FRMD4B: variants seen among roughly 807,000 people sequenced by gnomAD.
FRMD4B encodes FERM domain-containing protein 4B.
In FRMD4B, 74 loss-of-function variants were observed where a neutral mutation model predicts 141.5. That is an observed-to-expected ratio of 0.52 (90% CI 0.43 to 0.63). FRMD4B has a LOEUF of 0.63. FRMD4B is among the 30% of genes least tolerant of loss of function. The probability of loss-of-function intolerance (pLI) is 0.00; values close to 1 mark genes in which losing one functional copy is unlikely to be tolerated. For synonymous variants in FRMD4B, 506 were observed against 467.9 expected, an observed-to-expected ratio of 1.08 and a Z score of -1.05; for missense variants, 1,366 against 1,253.4, an observed-to-expected ratio of 1.09 and a Z score of -1.36.
Position 69,218,303 on chromosome 3 carries a change from G to C in FRMD4B, c.789+19C>G. 2 of 1,342,966 alleles carry C rather than the reference G, an allele frequency of 1.5e-6. No individual in the cohort carries two copies. Among genetic ancestry groups the C allele is most frequent in the Non-Finnish European group, 2.1e-6 (2 of 943,788 alleles). The allele number at this position is 1,342,966 out of a possible 1,614,324, so 83.2% of individuals were successfully genotyped here. Reference sequence around the variant, plus strand: ...AACTCTCAATCATCACGAAAGCTTTGTCATGTAAAATTACTTACCTTTACT... The same window carrying C: ...AACTCTCAATCATCACGAAAGCTTTCTCATGTAAAATTACTTACCTTTACT... On this transcript the variant is annotated intron_variant, in intron 10 of 22. Coordinates refer to ENST00000398540, the MANE Select transcript of FRMD4B (RefSeq NM_015123.3).
intron 3 of FRMD4B, among the ~76,000 whole-genome samples, chr3:69,308,727 ACTGTGCCCGGC>A (rs1701475385): frequency 6.6e-6 from 1 of 152,114 alleles, no homozygotes. Context: ...GGTGTGAGCC[ACTGTGCCCGGC>A]CTTGTTTTTT....
intron 1 of FRMD4B, among the ~76,000 whole-genome samples, chr3:69,447,784 G>T (rs576310433): frequency 3.3e-5 from 5 of 152,254 alleles, no homozygotes; most frequent in African/African-American, 1.2e-4. Context: ...CACATGAATA[G>T]AATCACATAG....
chr3:69,341,183 T>C (rs1201011239), intron 1 of FRMD4B, among the ~76,000 whole-genome samples: 1 of 152,196 alleles, frequency 6.6e-6, no homozygotes, highest in African/African-American at 2.4e-5. Context: ...CTTGTTCTAA[T>C]GAAGAGGGCT....
At chr3:69,224,720 G>C in intron 7 of FRMD4B, 30 bp from the exon 8 acceptor site, 3 of 1,100,060 alleles carry the variant, frequency 2.7e-6, no homozygotes, top group Non-Finnish European at 4.1e-6. Context: ...GGTAATGTCA[G>C]GTACTGTTAT....
At chr3:69,208,225 G>A (rs533385207) in intron 11 of FRMD4B, among the ~76,000 whole-genome samples, 24 of 152,062 alleles carry the variant, frequency 1.6e-4, no homozygotes, top group South Asian at 1.5e-3. Flanking sequence ...CACCACACCC[G>A]GCTAATTTTT....
At chr3:69,483,683 T>C (rs937882670) in intron 1 of FRMD4B, among the ~76,000 whole-genome samples, 1 of 152,118 alleles carries the variant, frequency 6.6e-6, no homozygotes, top group Non-Finnish European at 1.5e-5. Context: ...GGTGGAAAAA[T>C]TGTTACGGAT....
rs563787999 is a variant in FRMD4B, at chr3:69,330,566, C to T, written c.163-17049G>A. Among the ~76,000 whole-genome samples, 10 of 151,602 alleles carry T rather than the reference C, an allele frequency of 6.6e-5. No individual in the cohort carries two copies. The South Asian group carries it at 1.0e-3, about 16-fold the overall frequency. On this transcript the variant is annotated intron_variant, in intron 1 of 22. Transcript: ENST00000398540. ...TTCATCATGTTGGTCAGGCTGGTCT[C>T]GAACTCCTGACCTCGTGATCTGCCC...
intron 6 of FRMD4B, among the ~76,000 whole-genome samples, chr3:69,249,671 G>A (rs969366616): frequency 1.1e-4 from 16 of 152,092 alleles, no homozygotes; most frequent in African/African-American, 3.9e-4. Flanking sequence ...AAGAACTAAA[G>A]GGCTCTTTTA....
chr3:69,311,579 C>T (rs1307744413), intron 2 of FRMD4B, among the ~76,000 whole-genome samples: 1 of 152,094 alleles, frequency 6.6e-6, no homozygotes, highest in Non-Finnish European at 1.5e-5. Flanking sequence ...CTATCATTTT[C>T]ATGTATTTGC....
intron 1 of FRMD4B, among the ~76,000 whole-genome samples, chr3:69,372,811 A>T (rs1703864220): frequency 6.6e-6 from 1 of 152,266 alleles, no homozygotes; most frequent in Non-Finnish European, 1.5e-5. Flanking sequence ...ACCTACATGT[A>T]TACATACATA....
chr3:69,405,555 A>C (rs1379573096), intron 2 of FRMD4B, among the ~76,000 whole-genome samples: 1 of 152,212 alleles, frequency 6.6e-6, no homozygotes, highest in Non-Finnish European at 1.5e-5. Flanking sequence ...AATAAAAGGG[A>C]GTTCCTGTTA....
At chr3:69,215,060 A>T (rs1047563516) in intron 11 of FRMD4B, among the ~76,000 whole-genome samples, 4 of 151,380 alleles carry the variant, frequency 2.6e-5, no homozygotes, top group African/African-American at 9.7e-5. Context: ...TTTGTATTTT[A>T]GTAGAGACGG....
At chr3:69,259,785 A>C (rs1274381536) in intron 5 of FRMD4B, among the ~76,000 whole-genome samples, 1 of 152,228 alleles carries the variant, frequency 6.6e-6, no homozygotes, top group Admixed American at 6.5e-5. Flanking sequence ...ACCATAGCAC[A>C]TTTCTATTGA....
At chr3:69,324,145 A>G (rs1055342085) in intron 1 of FRMD4B, among the ~76,000 whole-genome samples, 3 of 152,186 alleles carry the variant, frequency 2.0e-5, no homozygotes, top group African/African-American at 4.8e-5. Flanking sequence ...GGCAGTCAGG[A>G]TGGAATTAAT....
intron 1 of FRMD4B, among the ~76,000 whole-genome samples, chr3:69,521,233 A>G (rs1292859441): frequency 1.3e-5 from 2 of 152,150 alleles, no homozygotes; most frequent in African/African-American, 2.4e-5. Flanking sequence ...ACGACTGAGG[A>G]AGGTACTTTG....
chr3:69,523,215 C>G (rs1466735025), intron 1 of FRMD4B, among the ~76,000 whole-genome samples: 1 of 151,758 alleles, frequency 6.6e-6, no homozygotes, highest in Non-Finnish European at 1.5e-5. Context: ...ATGCTGGACT[C>G]TAGGCATTTG....
At chr3:69,374,504 CA>C (rs775523521) in intron 1 of FRMD4B, among the ~76,000 whole-genome samples, 1 of 152,088 alleles carries the variant, frequency 6.6e-6, no homozygotes, top group Non-Finnish European at 1.5e-5. Context: ...TTAGCAGTTG[CA>C]AATCTCAGGG....
At chr3:69,203,101 GT>G (rs2092985932) in intron 11 of FRMD4B, among the ~76,000 whole-genome samples, 1 of 150,990 alleles carries the variant, frequency 6.6e-6, no homozygotes, top group Non-Finnish European at 1.5e-5. Context: ...AAAAAAAAGT[GT>G]TGATGGTTTT....
chr3:69,355,957 G>A (rs927621848), intron 1 of FRMD4B, among the ~76,000 whole-genome samples: 6 of 152,052 alleles, frequency 3.9e-5, no homozygotes, highest in Non-Finnish European at 8.8e-5. Flanking sequence ...CCTGGGAGCC[G>A]GAGGTTGCAG....
Sources: allele counts gnomAD v4.1 joint callset (sites outside exome capture counted in the v4.1 genomes callset), GRCh38; gene constraint gnomAD v4.1.1; transcripts MANE v1.5; gene names NCBI Gene and HGNC (gene_info 2026-07-23, HGNC 2026-07-21).